Variants in SPAG17 observed in about 807,000 individuals in gnomAD.
SPAG17 encodes the protein sperm associated antigen 17, also known as sperm-associated antigen 17.
Under a neutral mutation model 273.6 loss-of-function variants are expected in SPAG17, and 169 were observed. The observed-to-expected ratio is 0.62, with a 90% CI of 0.55 to 0.70. SPAG17 has a LOEUF of 0.70. Ranked by LOEUF, SPAG17 falls within the 30% of genes least tolerant of loss-of-function variation. The pLI, the probability that SPAG17 is intolerant of heterozygous loss-of-function variation, is 0.00. For synonymous variants in SPAG17, 825 were observed against 873.2 expected (o/e 0.94, Z 0.97); for missense variants, 2,557 against 2,627.8 (o/e 0.97, Z 0.59).
In SPAG17 at chr1:118,147,588, G is replaced by T. The variant is rs576819838; in HGVS notation, c.315+2955C>A. The stretch of plus-strand genomic sequence containing the variant: ...AATGAGCTGCAGCTACGTCTCTACA[G>T]AATTACATTAGCACAAATCTAAGCA... On this transcript the variant is annotated intron_variant, in intron 3 of 48. Transcript: ENST00000336338. Among the ~76,000 whole-genome samples the T allele has an allele frequency of 5.8e-4, 88 of 152,312 alleles. 1 individual carries two copies. Among genetic ancestry groups the T allele is most frequent in the African/African-American group, 2.0e-3 (85 of 41,578 alleles).
rs756963537 is a variant in SPAG17 at position 118,036,852 on chromosome 1, G to T, written c.3351C>A (p.Ser1117Arg). The change falls in exon 24 of 49, where the codon AGC becomes AGA. Residue 1117 changes from serine (S) to arginine (R), a missense_variant. Ser to Arg is a moderately radical substitution (Grantham distance 110). Transcript: ENST00000336338. ...EVSDAKNKAFSKFGSFSATLE... is the reference protein window; with the variant it reads ...EVSDAKNKAFRKFGSFSATLE... ...AGGTGGCAGAAAAAGATCCAAACTT[G>T]CTGAAAGCTTTATTCTTTGCATCTG... 1.7e-5 allele frequency: 27 copies of T among 1,559,464 alleles called. No individual in the cohort carries two copies. Among genetic ancestry groups the T allele is most frequent in the Non-Finnish European group, 2.2e-5 (25 of 1,150,214 alleles).
In SPAG17 at chr1:118,008,216, G is replaced by C; in HGVS notation, c.4433-18C>G. On this transcript the variant is annotated intron_variant, in intron 30 of 48. Coordinates refer to ENST00000336338, the MANE Select transcript of SPAG17 (RefSeq NM_206996.4). ...ACCCTCGGCTACAAGCAAATGCAAG[G>C]TAAGCAGATCTGATAGGATGTAGAC... The C allele has an allele frequency of 6.2e-7, 1 of 1,612,986 alleles. No individual in the cohort carries two copies. Among genetic ancestry groups the C allele is most frequent in the Non-Finnish European group, 8.5e-7 (1 of 1,179,648 alleles).
At chr1:118,058,740 C>T (rs1651968185) in intron 18 of SPAG17, among the ~76,000 whole-genome samples, 1 of 152,078 alleles carries the variant, frequency 6.6e-6, no homozygotes, top group Admixed American at 6.6e-5. Context: ...AAATACAATA[C>T]CTACCTGACA....
chr1:118,009,339 G>A (rs1659233274), intron 30 of SPAG17, among the ~76,000 whole-genome samples: 1 of 151,284 alleles, frequency 6.6e-6, no homozygotes, highest in African/African-American at 2.4e-5. Context: ...AGTCCACTAT[G>A]TATATGGATA....
intron 4 of SPAG17, among the ~76,000 whole-genome samples, chr1:118,107,106 T>C (rs1434903782): frequency 6.6e-6 from 1 of 152,190 alleles, no homozygotes; most frequent in East Asian, 1.9e-4. Context: ...ATGGGTAATT[T>C]TATCCCCATT....
chr1:118,062,174 C>T (rs1167841343), intron 18 of SPAG17, among the ~76,000 whole-genome samples: 3 of 151,628 alleles, frequency 2.0e-5, no homozygotes, highest in African/African-American at 4.8e-5. Flanking sequence ...GAGACCATCC[C>T]GGCTAAAAAC....
intron 32 of SPAG17, among the ~76,000 whole-genome samples, chr1:118,002,941 C>T (rs1658466723): frequency 6.6e-6 from 1 of 152,152 alleles, no homozygotes; most frequent in Admixed American, 6.5e-5. Context: ...TACAATTTGG[C>T]ATGTTTTTGT....
intron 25 of SPAG17, 136 bp from the exon 26 acceptor site, chr1:118,028,530 G>C: frequency 9.6e-7 from 1 of 1,037,180 alleles, no homozygotes; most frequent in Non-Finnish European, 1.4e-6. Context: ...AAGGACGCAG[G>C]AGTCTCTGTG....
intron 4 of SPAG17, among the ~76,000 whole-genome samples, chr1:118,108,262 C>T (rs188205307): frequency 7.7e-4 from 117 of 152,242 alleles, no homozygotes; most frequent in Non-Finnish European, 1.4e-3. Context: ...GACTGGTTGG[C>T]CCCTAGAATT....
chr1:118,180,579 G>T (rs963808486), intron 1 of SPAG17, among the ~76,000 whole-genome samples: 1 of 151,982 alleles, frequency 6.6e-6, no homozygotes, highest in African/African-American at 2.4e-5. Flanking sequence ...AAAAAAGCTA[G>T]AAGAGAATAA....
rs1305233421 is a variant in SPAG17 at position 118,033,679 on chromosome 1, T to C, written c.3434-1812A>G. 2.6e-5 allele frequency among the ~76,000 whole-genome samples: 4 copies of C among 152,324 alleles called. No homozygotes were observed. In the East Asian group the frequency reaches 7.7e-4, roughly 29 times the overall value. On this transcript the variant is annotated intron_variant, in intron 24 of 48. Transcript: ENST00000336338. ...CACTGCCTATGTAGGGCATATAACATTCTTCACAATCTGGTCTTCACCTAC... is the reference window on the plus strand; with the variant it reads ...CACTGCCTATGTAGGGCATATAACACTCTTCACAATCTGGTCTTCACCTAC...
rs760230529 is a variant in SPAG17 at position 118,185,216 on chromosome 1, C to G, written c.-59G>C. 39 of 1,392,338 alleles carry G rather than the reference C, an allele frequency of 2.8e-5. No individual in the cohort carries two copies. The highest frequency in any genetic ancestry group is 3.8e-5 in the Non-Finnish European group (37 of 978,830). 86.2% of individuals were successfully genotyped at this position (1,392,338 alleles called of 1,614,324 possible). On this transcript the variant is annotated 5_prime_UTR_variant, in exon 1 of 49. Coordinates refer to ENST00000336338, the MANE Select transcript of SPAG17 (RefSeq NM_206996.4). ...GGGCGCAGGCCCTGCCTAAGCGTCCCCGCTACCACAGTAACCGAAGCCACG... is the reference window on the plus strand; with the variant it reads ...GGGCGCAGGCCCTGCCTAAGCGTCCGCGCTACCACAGTAACCGAAGCCACG...
At position 118,115,275 on chromosome 1, in the gene SPAG17, G is replaced by T. The variant is rs768184802; in HGVS notation, c.447+35C>A. On this transcript the variant is annotated intron_variant, in intron 4 of 48. Transcript: ENST00000336338. ...CCTGGCTCCATTTCATTCACCACTT[G>T]CCCTCTTTAGAAAACCCACCAGATC... 4 of 1,607,184 alleles carry T rather than the reference G, an allele frequency of 2.5e-6. No individual in the cohort carries two copies. In the African/African-American group the frequency reaches 4.0e-5, roughly 16 times the overall value.
chr1:118,070,811 C>T (rs1225202079), intron 17 of SPAG17, among the ~76,000 whole-genome samples: 1 of 152,108 alleles, frequency 6.6e-6, no homozygotes, highest in Non-Finnish European at 1.5e-5. Context: ...TGTGTAATAG[C>T]ACTTATATAG....
Position 118,055,895 on chromosome 1 carries a change from C to T in SPAG17, c.2560G>A (p.Ala854Thr). ...VGFRNYLELV[A>T]KSIQDWITKE... ...GTAATCCAATCTTGAATAGATTTTGCAACAAGTTCCAAATAATTCCTAAAC... is the reference window on the plus strand; with the variant it reads ...GTAATCCAATCTTGAATAGATTTTGTAACAAGTTCCAAATAATTCCTAAAC... Residue 854 changes from alanine (A) to threonine (T), a missense_variant, in exon 19 of 49, where the codon GCA (alanine) becomes ACA (threonine). Ala to Thr is a moderately conservative substitution (Grantham distance 58). Coordinates refer to ENST00000336338, the MANE Select transcript of SPAG17 (RefSeq NM_206996.4). 6.2e-7 allele frequency: 1 copy of T among 1,605,084 alleles called. No individual in the cohort carries two copies. The highest frequency in any genetic ancestry group is 1.7e-4 in the Middle Eastern group (1 of 5,944).
At chr1:117,976,096 G>A (rs567088656) in intron 43 of SPAG17, among the ~76,000 whole-genome samples, 3 of 152,144 alleles carry the variant, frequency 2.0e-5, no homozygotes, top group African/African-American at 4.8e-5. Context: ...CAAGGAGCCC[G>A]GATGTGAACC....
intron 3 of SPAG17, among the ~76,000 whole-genome samples, chr1:118,146,919 C>A (rs564522029): frequency 6.6e-5 from 10 of 152,150 alleles, no homozygotes; most frequent in Non-Finnish European, 1.2e-4. Flanking sequence ...CCTTTCCTTT[C>A]AAATGGCAAT....
intron 48 of SPAG17, chr1:117,954,677 C>T: frequency 6.4e-7 from 1 of 1,566,632 alleles, no homozygotes; most frequent in Non-Finnish European, 8.7e-7. Flanking sequence ...AGGTTACTTA[C>T]AAGGACAAGA....
intron 3 of SPAG17, chr1:118,150,275 T>C: frequency 4.0e-6 from 1 of 252,534 alleles, no homozygotes; most frequent in East Asian, 9.5e-5. Context: ...TAGAAGTTTC[T>C]GATTTATATT....
Sources: gnomAD v4.1 joint callset for allele counts (sites outside exome capture counted in the v4.1 genomes callset) on GRCh38, gnomAD v4.1.1 for gene constraint, MANE v1.5 for transcripts, NCBI Gene and HGNC (gene_info 2026-07-23, HGNC 2026-07-21) for gene names.